Variants in CRYBA4 observed in about 807,000 individuals in gnomAD.
CRYBA4 encodes the protein beta-crystallin A4.
CRYBA4 carries 30 observed loss-of-function variants against 31.7 expected under a neutral mutation model. The ratio of observed to expected loss-of-function variants is 0.95; its 90% confidence interval spans 0.71 to 1.28. The LOEUF is 1.28. Among genes scored for constraint, CRYBA4 ranks in the 50% most tolerant of loss-of-function variants. The pLI is 0.00. For missense variants in CRYBA4, 225 were observed against 260.7 expected (o/e 0.86, Z 0.94); for synonymous variants, 102 against 102.3 (o/e 1.00, Z 0.02).
At chr22:26,591,890 TACACACACACACACACACACAC>T in the CRYBA4 span, among the ~76,000 whole-genome samples, 1 of 135,846 alleles carries the variant, frequency 7.4e-6, no homozygotes, top group Non-Finnish European at 1.6e-5. Context: ...CCTGGGTGAG[TACACACACACACACACACACAC>T]ACACACACAC....
At chr22:26,628,700 C>A (rs1602343237) in intron 5 of CRYBA4, among the ~76,000 whole-genome samples, 1 of 152,330 alleles carries the variant, frequency 6.6e-6, no homozygotes, top group East Asian at 1.9e-4. Flanking sequence ...TCTCCCCCCA[C>A]AACCCCCAAC....
At chr22:26,627,359 C>CCCTCCCTCCCT in intron 4 of CRYBA4, among the ~76,000 whole-genome samples, 1 of 41,862 alleles carries the variant, frequency 2.4e-5, no homozygotes, top group Non-Finnish European at 4.1e-5. Flanking sequence ...CTCCCTCCCT[C>CCCTCCCTCCCT]CTTTCTTTCT....
chr22:26,597,148 A>G, the CRYBA4 span, among the ~76,000 whole-genome samples: 1 of 152,194 alleles, frequency 6.6e-6, no homozygotes, highest in African/African-American at 2.4e-5. Flanking sequence ...GCAAAACCAC[A>G]GGGTGGGGTG....
rs56296779 is a variant in CRYBA4 at position 26,625,893 on chromosome 22, G to A, written c.300+271G>A. ...AACCCTGGTTGTGATAGGAGCCCCT[G>A]CCAGTTTTGTGCCCTTTTTTTTTTG... is the stretch of plus-strand genomic sequence containing the variant. On this transcript the variant is annotated intron_variant, in intron 4 of 5. Transcript: ENST00000354760. Among the ~76,000 whole-genome samples, 2,971 of 151,478 alleles carry A rather than the reference G, an allele frequency of 0.02. 43 individuals carry two copies. Among genetic ancestry groups the A allele is most frequent in the Middle Eastern group, 0.062 (18 of 292 alleles).
chr22:26,599,658 C>G, the CRYBA4 span: 2 of 1,614,100 alleles, frequency 1.2e-6, no homozygotes, highest in Non-Finnish European at 1.7e-6. Context: ...AGCCAGGATA[C>G]TGATAGCCAA....
At chr22:26,601,870 G>A in the CRYBA4 span, 2 of 1,611,820 alleles carry the variant, frequency 1.2e-6, no homozygotes, top group Non-Finnish European at 1.7e-6. Context: ...TGGCAGGAGG[G>A]ATGCTTACGT....
the CRYBA4 span, among the ~76,000 whole-genome samples, chr22:26,590,893 C>T: frequency 1.1e-4 from 17 of 152,322 alleles, no homozygotes; most frequent in East Asian, 3.9e-4. Flanking sequence ...TATAACCTTT[C>T]AGTGCTTCTG....
the CRYBA4 span, among the ~76,000 whole-genome samples, chr22:26,610,631 A>G: frequency 2.6e-5 from 4 of 152,174 alleles, no homozygotes; most frequent in Non-Finnish European, 4.4e-5. Context: ...GGTCCCGGGT[A>G]GCCTCCAGGA....
chr22:26,597,287 C>G, the CRYBA4 span, among the ~76,000 whole-genome samples: 2 of 152,164 alleles, frequency 1.3e-5, no homozygotes, highest in Non-Finnish European at 2.9e-5. Flanking sequence ...CGGGGCCCAC[C>G]ACAACTCTCT....
At chr22:26,591,890 T>TACACACACAC in the CRYBA4 span, among the ~76,000 whole-genome samples, 9,290 of 135,780 alleles carry the variant, frequency 0.068, 344 homozygotes, top group South Asian at 0.08. Flanking sequence ...CCTGGGTGAG[T>TACACACACAC]ACACACACAC....
chr22:26,622,654 AG>A lies in CRYBA4; in HGVS notation c.39+24del, dbSNP rs1929568415. On this transcript the variant is annotated intron_variant, in intron 2 of 5. Transcript: ENST00000354760. ...CTGGAAGGTAGGAAGAGGCATGGGG[AG>A]GGGGTGTTCAGGGGGTATGGGGAGG... 1.2e-5 allele frequency: 8 copies of A among 662,744 alleles called. No homozygotes were observed. Among genetic ancestry groups the A allele is most frequent in the Non-Finnish European group, 2.0e-5 (8 of 409,930 alleles). 41.1% of individuals were successfully genotyped at this position (662,744 alleles called of 1,614,324 possible).
At chr22:26,617,286 C>A (rs1371441905), upstream of CRYBA4, among the ~76,000 whole-genome samples, 1 of 152,116 alleles carries the variant, frequency 6.6e-6, no homozygotes, top group Non-Finnish European at 1.5e-5. Flanking sequence ...TGTCCCCGGA[C>A]AAAAATAATG....
At chr22:26,616,094 AG>A in the CRYBA4 span, 1 of 1,478,130 alleles carries the variant, frequency 6.8e-7, no homozygotes, top group Non-Finnish European at 9.5e-7. Flanking sequence ...GAGGGAAGGA[AG>A]GAAAGAAGGC....
At chr22:26,627,497 TTTC>T (rs1569211913) in intron 4 of CRYBA4, among the ~76,000 whole-genome samples, 43 of 17,704 alleles carry the variant, frequency 2.4e-3, no homozygotes, top group East Asian at 0.021. Context: ...CTTTTCTTTC[TTTC>T]TTTCTTTCTT....
chr22:26,627,361 T>TCCCTTCC (rs1929739810), intron 4 of CRYBA4, among the ~76,000 whole-genome samples: 1 of 26,070 alleles, frequency 3.8e-5, no homozygotes, highest in Admixed American at 4.7e-4. Flanking sequence ...CCCTCCCTCC[T>TCCCTTCC]TTCTTTCTTT....
intron 5 of CRYBA4, among the ~76,000 whole-genome samples, chr22:26,629,039 G>A (rs1602343481): frequency 1.3e-5 from 2 of 152,326 alleles, no homozygotes; most frequent in Non-Finnish European, 2.9e-5. Flanking sequence ...GAGAATGAAT[G>A]CCCCTAGCCA....
the CRYBA4 span, chr22:26,612,283 A>G: frequency 1.2e-6 from 1 of 814,906 alleles, no homozygotes; most frequent in African/African-American, 1.7e-5. Flanking sequence ...GCAGTGCAGG[A>G]GTCACATAAA....
At chr22:26,600,664 A>T in the CRYBA4 span, among the ~76,000 whole-genome samples, 1 of 152,248 alleles carries the variant, frequency 6.6e-6, no homozygotes, top group African/African-American at 2.4e-5. Flanking sequence ...CTTGGTACAT[A>T]GTAAGCACTC....
chr22:26,625,499 T>G lies in CRYBA4; in HGVS notation c.177T>G (p.His59Gln). 6.2e-7 allele frequency: 1 copy of G among 1,614,018 alleles called. No individual in the cohort carries two copies. The highest frequency in any genetic ancestry group is 8.5e-7 in the Non-Finnish European group (1 of 1,180,022). The change falls in exon 4 of 6, where the codon CAT becomes CAG. Residue 59 changes from histidine to glutamine, a missense_variant. Physicochemically the swap from His to Gln is conservative, Grantham distance 24. Coordinates refer to ENST00000354760, the MANE Select transcript of CRYBA4 (RefSeq NM_001886.3). Reference sequence around the variant, plus strand: ...TCTGCAGGTGGGTGGGCTTTGAGCATGCTGGCTTCCAAGGGCAGCAGTACA... The same window carrying G: ...TCTGCAGGTGGGTGGGCTTTGAGCAGGCTGGCTTCCAAGGGCAGCAGTACA... ...VLSGAWVGFE[H>Q]AGFQGQQYIL...
Sources: gnomAD v4.1 joint callset for allele counts (sites outside exome capture counted in the v4.1 genomes callset) on GRCh38, gnomAD v4.1.1 for gene constraint, MANE v1.5 for transcripts, NCBI Gene and HGNC (gene_info 2026-07-23, HGNC 2026-07-21) for gene names.